Variants in CYFIP1 observed in about 807,000 individuals in gnomAD.
The protein encoded by CYFIP1 is cytoplasmic FMR1 interacting protein 1.
In CYFIP1, 58 loss-of-function variants were observed where a neutral mutation model predicts 163.5. The observed-to-expected ratio is 0.35, with a 90% CI of 0.29 to 0.44. The LOEUF is 0.44. Ranked by LOEUF, CYFIP1 falls within the 20% of genes least tolerant of loss-of-function variation. CYFIP1 has a pLI of 1.00. For missense variants in CYFIP1, 1,338 were observed against 1,653.8 expected (o/e 0.81, Z 3.31); for synonymous variants, 663 against 660.7 (o/e 1.00, Z -0.05).
intron 13 of CYFIP1, among the ~76,000 whole-genome samples, chr15:22,924,572 G>A (rs1394001738): frequency 6.6e-6 from 1 of 152,128 alleles, no homozygotes; most frequent in Admixed American, 6.5e-5. Context: ...GGCTGCATAC[G>A]GTTGAGGGAG....
At chr15:22,978,166 A>G (rs1366447217) in intron 1 of CYFIP1, among the ~76,000 whole-genome samples, 1 of 151,834 alleles carries the variant, frequency 6.6e-6, no homozygotes, top group Non-Finnish European at 1.5e-5. Context: ...AGCCTGGGCA[A>G]CATGGCAAAA....
intron 22 of CYFIP1, among the ~76,000 whole-genome samples, 180 bp downstream of exon 22, chr15:22,903,526 T>C (rs113114194): frequency 2.2e-4 from 34 of 151,982 alleles, no homozygotes; most frequent in African/African-American, 8.2e-4. Flanking sequence ...CACCCGAGGG[T>C]AGACCCGAGG....
At chr15:22,980,179 G>A (rs1567062059) in intron 1 of CYFIP1, 108 bp downstream of exon 1, 1 of 149,098 alleles carries the variant, frequency 6.7e-6, no homozygotes, top group African/African-American at 2.5e-5. Flanking sequence ...TGGGGGGGAG[G>A]GGGGGGTCCG....
chr15:22,951,489 C>T lies in CYFIP1; in HGVS notation c.-6-4198G>A, dbSNP rs981361626. On this transcript the variant is annotated intron_variant, in intron 1 of 30. Coordinates refer to ENST00000617928, the MANE Select transcript of CYFIP1 (RefSeq NM_014608.6). ...TCAGGGTGATGCCGCTCGGAGGGGC[C>T]AGGCTGCCTGAGGACGTGCTTCGGC... The T allele has an allele frequency of 4.7e-6, 6 of 1,288,848 alleles. No individual in the cohort carries two copies. In the African/African-American group the frequency reaches 9.1e-5, roughly 20 times the overall value. 79.8% of individuals were successfully genotyped at this position (1,288,848 alleles called of 1,614,324 possible).
chr15:22,903,783 C>T lies in CYFIP1; in HGVS notation c.2511G>A (p.Gly837=). ...EANHNVSAPY[G]RITLHVFWEL... Reference sequence around the variant, plus strand: ...CCCAGAAGACGTGCAGGGTGATCCTCCCGTAGGGCGCTGACACGTTGTGGT... The same window carrying T: ...CCCAGAAGACGTGCAGGGTGATCCTTCCGTAGGGCGCTGACACGTTGTGGT... Residue 837 remains glycine, a synonymous_variant, in exon 22 of 31, where the codon GGG becomes GGA. Coordinates refer to ENST00000617928, the MANE Select transcript of CYFIP1 (RefSeq NM_014608.6). The T allele has an allele frequency of 6.2e-7, 1 of 1,614,204 alleles. No homozygotes were observed. Among genetic ancestry groups the T allele is most frequent in the Middle Eastern group, 1.6e-4 (1 of 6,062 alleles).
chr15:22,881,737 A>T, intron 25 of CYFIP1, 109 bp downstream of exon 25: 1 of 1,017,992 alleles, frequency 9.8e-7, no homozygotes, highest in Non-Finnish European at 1.5e-6. Context: ...TTGTCTGTCT[A>T]CTGCCTCTTC....
At chr15:22,980,191 C>T (rs1048790415) in intron 1 of CYFIP1, 96 bp downstream of exon 1, 1 of 149,878 alleles carries the variant, frequency 6.7e-6, no homozygotes, top group African/African-American at 2.4e-5. Context: ...GGGGGTCCGT[C>T]CCGGCCCCGC....
At chr15:22,906,777 T>C (rs945200280) in intron 21 of CYFIP1, among the ~76,000 whole-genome samples, 2 of 152,214 alleles carry the variant, frequency 1.3e-5, no homozygotes, top group African/African-American at 4.8e-5. Flanking sequence ...CAACTACTAC[T>C]TTCTTCATTT....
chr15:22,880,225 C>T (rs1193679119), intron 25 of CYFIP1, among the ~76,000 whole-genome samples, 182 bp from the exon 26 acceptor site: 3 of 152,212 alleles, frequency 2.0e-5, no homozygotes, highest in Non-Finnish European at 1.5e-5. Context: ...CACCTGGGCA[C>T]GTTCTCCACA....
At chr15:22,955,999 G>A (rs55974804) in intron 1 of CYFIP1, among the ~76,000 whole-genome samples, 4,812 of 152,210 alleles carry the variant, frequency 0.032, 103 homozygotes, top group Non-Finnish European at 0.048. Flanking sequence ...TTGAGGTCAG[G>A]AGTTTGAGAC....
intron 6 of CYFIP1, among the ~76,000 whole-genome samples, chr15:22,940,762 G>A (rs191262066): frequency 1.1e-3 from 172 of 152,278 alleles, no homozygotes; most frequent in African/African-American, 3.9e-3. Context: ...TTTCCAGGGC[G>A]GGGCATGGTG....
At chr15:22,979,999 G>C (rs1487974771) in intron 1 of CYFIP1, among the ~76,000 whole-genome samples, 2 of 152,044 alleles carry the variant, frequency 1.3e-5, no homozygotes, top group African/African-American at 2.4e-5. Flanking sequence ...GGGGCGGGGA[G>C]CTCGGGGCCG....
intron 23 of CYFIP1, among the ~76,000 whole-genome samples, chr15:22,889,684 C>G (rs1407948189): frequency 6.6e-6 from 1 of 152,188 alleles, no homozygotes; most frequent in African/African-American, 2.4e-5. Context: ...ATGGGGGTGA[C>G]AGAGGAGCCT....
At chr15:22,896,415 C>A (rs1056843039) in intron 22 of CYFIP1, among the ~76,000 whole-genome samples, 1 of 152,016 alleles carries the variant, frequency 6.6e-6, no homozygotes, top group African/African-American at 2.4e-5. Context: ...ATTTTGAAAT[C>A]TTTTCTGCCC....
At chr15:22,946,739 G>A (rs2062074213) in intron 3 of CYFIP1, 1 of 636,308 alleles carries the variant, frequency 1.6e-6, no homozygotes. Flanking sequence ...TCTGGAGAGG[G>A]AATGAGCATT....
chr15:22,905,372 A>G (rs2060535856), intron 21 of CYFIP1: 1 of 152,128 alleles, frequency 6.6e-6, no homozygotes, highest in Non-Finnish European at 1.5e-5. Flanking sequence ...AGGAAGCTGT[A>G]TGACAGGTAC....
chr15:22,901,948 G>A (rs2060406446), intron 22 of CYFIP1, among the ~76,000 whole-genome samples: 2 of 152,198 alleles, frequency 1.3e-5, no homozygotes, highest in African/African-American at 2.4e-5. Context: ...GTAAACCGGA[G>A]CTCTTCTGCA....
chr15:22,914,278 T>G (rs928687306), intron 17 of CYFIP1, among the ~76,000 whole-genome samples: 5 of 152,140 alleles, frequency 3.3e-5, no homozygotes, highest in African/African-American at 1.2e-4. Flanking sequence ...TGGTCCAGGC[T>G]GAGTCCCCGG....
At chr15:22,975,441 CAAAAAAAAAAA>C (rs35556120) in intron 1 of CYFIP1, among the ~76,000 whole-genome samples, 4 of 71,352 alleles carry the variant, frequency 5.6e-5, no homozygotes, top group African/African-American at 2.4e-4. Flanking sequence ...GACTCCGTCT[CAAAAAAAAAAA>C]AAAAAAAAAA....
Sources: allele counts gnomAD v4.1 joint callset (sites outside exome capture counted in the v4.1 genomes callset), GRCh38; gene constraint gnomAD v4.1.1; transcripts MANE v1.5; gene names NCBI Gene and HGNC (gene_info 2026-07-23, HGNC 2026-07-21).